Variants in DAB2IP observed in about 807,000 individuals in gnomAD.
DAB2IP encodes the protein disabled homolog 2-interacting protein.
DAB2IP carries 28 observed loss-of-function variants against 107.2 expected under a neutral mutation model. The observed-to-expected ratio is 0.26, with a 90% CI of 0.19 to 0.36. DAB2IP has a LOEUF of 0.36. Ranked by LOEUF, DAB2IP falls within the 10% of genes least tolerant of loss-of-function variation. The pLI is 1.00. For missense variants in DAB2IP, 1,400 were observed against 1,644.7 expected (o/e 0.85, Z 2.57); for synonymous variants, 755 against 706.4 (o/e 1.07, Z -1.09).
chr9:121,749,143 G>A (rs1428475632), intron 3 of DAB2IP, among the ~76,000 whole-genome samples: 1 of 152,200 alleles, frequency 6.6e-6, no homozygotes, highest in Non-Finnish European at 1.5e-5. Flanking sequence ...CTCTCCCCTG[G>A]GATCCCAGCT....
chr9:121,757,400 C>T (rs1833573905), intron 4 of DAB2IP, among the ~76,000 whole-genome samples: 1 of 152,214 alleles, frequency 6.6e-6, no homozygotes, highest in Non-Finnish European at 1.5e-5. Flanking sequence ...AGCACCTGTT[C>T]TCCATGCTAG....
chr9:121,643,412 T>A (rs1242838203), intron 1 of DAB2IP, among the ~76,000 whole-genome samples: 1 of 151,938 alleles, frequency 6.6e-6, no homozygotes, highest in Non-Finnish European at 1.5e-5. Context: ...CTTCTTCCCC[T>A]CTGGAGAAGC....
At chr9:121,669,612 T>C (rs1313447071) in intron 1 of DAB2IP, among the ~76,000 whole-genome samples, 3 of 152,030 alleles carry the variant, frequency 2.0e-5, no homozygotes, top group Non-Finnish European at 4.4e-5. Flanking sequence ...GTAGCTTGAG[T>C]CCTATCTCTA....
In DAB2IP at chr9:121,611,165, G is replaced by A. The variant is rs185931352; in HGVS notation, c.40+43937G>A. ...TAATTGTAATTTTTAGTAGAAACTA[G>A]ATTTTGCCATGTTGGCCAGGCTGGT... On this transcript the variant is annotated intron_variant, in intron 1 of 16. Transcript: ENST00000259371. 3.9e-3 allele frequency among the ~76,000 whole-genome samples: 601 copies of A among 152,324 alleles called. 1 individual carries two copies. The highest frequency in any genetic ancestry group is 5.7e-3 in the Non-Finnish European group (389 of 68,032).
At chr9:121,766,719 C>G in exon 9 of DAB2IP, 1 of 1,613,970 alleles carries the variant, frequency 6.2e-7, no homozygotes, top group Non-Finnish European at 8.5e-7. Context: ...AGAACCTGGC[C>G]AACTTTGCCA....
In DAB2IP at chr9:121,700,389, C is replaced by T. The variant is rs1336588707; in HGVS notation, c.362+931C>T. ...AGTGGTGCCAGCCACAGGCACCTTT[C>T]CACTTAGGCACAGGCATGGTGATGG... On this transcript the variant is annotated intron_variant, in intron 3 of 15. Coordinates refer to ENST00000408936, the Ensembl canonical transcript of DAB2IP. Among the ~76,000 whole-genome samples, 4 of 152,206 alleles carry T rather than the reference C, an allele frequency of 2.6e-5. No homozygotes were observed. In the East Asian group the frequency reaches 7.7e-4, roughly 29 times the overall value.
intron 3 of DAB2IP, among the ~76,000 whole-genome samples, chr9:121,732,841 G>A (rs187123087): frequency 1.3e-5 from 2 of 152,278 alleles, no homozygotes; most frequent in African/African-American, 2.4e-5. Context: ...CACAGCTTAT[G>A]GCTCTTTGGA....
At chr9:121,693,418 T>C (rs1829260688) in intron 2 of DAB2IP, among the ~76,000 whole-genome samples, 1 of 152,040 alleles carries the variant, frequency 6.6e-6, no homozygotes, top group African/African-American at 2.4e-5. Flanking sequence ...CCGAGAGAGG[T>C]GGCAGGATCT....
intron 3 of DAB2IP, among the ~76,000 whole-genome samples, chr9:121,731,704 A>T (rs900777272): frequency 6.6e-6 from 1 of 151,886 alleles, no homozygotes; most frequent in Admixed American, 6.6e-5. Context: ...GCTGGTTGGG[A>T]CCTACCCACA....
At chr9:121,575,902 C>T (rs1830045668) in intron 1 of DAB2IP, among the ~76,000 whole-genome samples, 1 of 151,944 alleles carries the variant, frequency 6.6e-6, no homozygotes, top group Admixed American at 6.6e-5. Flanking sequence ...TGTAGGGAGA[C>T]CCAAGGGGAA....
At chr9:121,739,570 TGAGGGATTTCA>T (rs1832175289) in intron 3 of DAB2IP, among the ~76,000 whole-genome samples, 2 of 152,024 alleles carry the variant, frequency 1.3e-5, no homozygotes, top group Admixed American at 1.3e-4. Context: ...TAAACAGGTA[TGAGGGATTTCA>T]GAGGGGGTAG....
At chr9:121,766,395 G>T in intron 8 of DAB2IP, 99 bp from the exon 9 acceptor site, 1 of 1,115,230 alleles carries the variant, frequency 9.0e-7, no homozygotes, top group East Asian at 2.4e-5. Context: ...CGCAGCTGGC[G>T]GGGTAGAGCC....
intron 2 of DAB2IP, among the ~76,000 whole-genome samples, chr9:121,686,046 A>T (rs1262313556): frequency 6.6e-6 from 1 of 152,188 alleles, no homozygotes; most frequent in Non-Finnish European, 1.5e-5. Flanking sequence ...GCAGACATGG[A>T]GTGCAGCATA....
At chr9:121,783,625 C>T in exon 16 of DAB2IP, 1 of 1,559,510 alleles carries the variant, frequency 6.4e-7, no homozygotes, top group Non-Finnish European at 8.8e-7. Context: ...GAAATAGCGG[C>T]CCTGGAGGAT....
Position 121,761,839 on chromosome 9 carries a change from G to C in DAB2IP, c.1170+1400G>C, listed in dbSNP as rs2118975346. Among the ~76,000 whole-genome samples, 2 of 152,292 alleles carry C rather than the reference G, an allele frequency of 1.3e-5. 1 individual carries two copies. Reference sequence around the variant, plus strand: ...ATCAAGGACCCATGGGCACCAGAGAGGGAGTGATGGGGGCTGCAGAGGCTG... The same window carrying C: ...ATCAAGGACCCATGGGCACCAGAGACGGAGTGATGGGGGCTGCAGAGGCTG... On this transcript the variant is annotated intron_variant, in intron 6 of 15. Coordinates refer to ENST00000408936, the Ensembl canonical transcript of DAB2IP.
intron 1 of DAB2IP, among the ~76,000 whole-genome samples, chr9:121,579,676 T>C (rs1310023845): frequency 1.3e-5 from 2 of 152,172 alleles, no homozygotes; most frequent in Non-Finnish European, 1.5e-5. Context: ...TCACACCTTA[T>C]GGCCTTGTCC....
At chr9:121,759,763 C>T (rs1334954714) in intron 5 of DAB2IP, 122 bp from the exon 6 acceptor site, 2 of 852,946 alleles carry the variant, frequency 2.3e-6, no homozygotes, top group South Asian at 1.8e-5. Flanking sequence ...GGCCTAGGCG[C>T]CCGCTGCCGC....
At chr9:121,680,197 C>T (rs1298057577) in intron 2 of DAB2IP, among the ~76,000 whole-genome samples, 1 of 152,200 alleles carries the variant, frequency 6.6e-6, no homozygotes, top group Non-Finnish European at 1.5e-5. Context: ...CTGGCCGAGT[C>T]AAGGTCACGT....
intron 1 of DAB2IP, 95 bp from the exon 2 acceptor site, chr9:121,678,583 G>A (rs768267526): frequency 1.2e-5 from 13 of 1,065,048 alleles, no homozygotes; most frequent in African/African-American, 5.0e-5. Context: ...GGACCGGTTT[G>A]TCTGTTGTCC....
Sources: gnomAD v4.1 joint callset for allele counts (sites outside exome capture counted in the v4.1 genomes callset) on GRCh38, gnomAD v4.1.1 for gene constraint, MANE v1.5 for transcripts, NCBI Gene and HGNC (gene_info 2026-07-23, HGNC 2026-07-21) for gene names.